TUSC3: variants seen among roughly 807,000 people sequenced by gnomAD.
The protein encoded by TUSC3 is dolichyl-diphosphooligosaccharide--protein glycosyltransferase subunit TUSC3.
TUSC3 carries 45 observed loss-of-function variants against 44.8 expected under a neutral mutation model. The observed-to-expected ratio is 1.00, with a 90% confidence interval of 0.79 to 1.29. The LOEUF is 1.29. Among genes scored for constraint, TUSC3 ranks in the 50% most tolerant of loss-of-function variants. The pLI is 0.00. For missense variants in TUSC3, 519 were observed against 437.9 expected, an observed-to-expected ratio of 1.19 and a Z score of -1.65; for synonymous variants, 212 against 152.9, an observed-to-expected ratio of 1.39 and a Z score of -2.85.
At chr8:15,554,776 T>C (rs1442515500) in intron 1 of TUSC3, among the ~76,000 whole-genome samples, 1 of 150,668 alleles carries the variant, frequency 6.6e-6, no homozygotes, top group African/African-American at 2.4e-5. Context: ...TAATTTTTTT[T>C]TTGTATTTTT....
At chr8:15,692,384 T>G (rs1264358669) in intron 6 of TUSC3, among the ~76,000 whole-genome samples, 6 of 141,214 alleles carry the variant, frequency 4.2e-5, no homozygotes, top group South Asian at 2.7e-4. Flanking sequence ...TGTTTTTTTT[T>G]TTTTTTTTTT....
the TUSC3 span, among the ~76,000 whole-genome samples, chr8:15,820,057 G>A: frequency 6.6e-6 from 1 of 152,122 alleles, no homozygotes; most frequent in East Asian, 1.9e-4. Flanking sequence ...TGAGATTTTT[G>A]TTATGAATTG....
intron 3 of TUSC3, among the ~76,000 whole-genome samples, chr8:15,654,569 T>G (rs1430420679): frequency 6.6e-6 from 1 of 152,124 alleles, no homozygotes; most frequent in African/African-American, 2.4e-5. Context: ...ATGAACTTAT[T>G]AAAAAAGGTT....
At chr8:15,837,121 C>G in the TUSC3 span, among the ~76,000 whole-genome samples, 1 of 152,052 alleles carries the variant, frequency 6.6e-6, no homozygotes. Flanking sequence ...TGTCTGCTGG[C>G]AGTGTATGCT....
chr8:15,695,765 A>C (rs1809131270), intron 6 of TUSC3, among the ~76,000 whole-genome samples: 1 of 152,158 alleles, frequency 6.6e-6, no homozygotes, highest in Non-Finnish European at 1.5e-5. Flanking sequence ...CATGTTGGAA[A>C]CTGGAGCAAA....
At chr8:15,815,874 C>A in the TUSC3 span, among the ~76,000 whole-genome samples, 1 of 152,054 alleles carries the variant, frequency 6.6e-6, no homozygotes, top group Non-Finnish European at 1.5e-5. Context: ...AGGGAAAATT[C>A]CAGAATAAAT....
intron 1 of TUSC3, among the ~76,000 whole-genome samples, chr8:15,573,692 C>T (rs1202415929): frequency 6.6e-6 from 1 of 152,014 alleles, no homozygotes; most frequent in Non-Finnish European, 1.5e-5. Flanking sequence ...TTTTGCCCTG[C>T]AGGAGATACA....
chr8:15,423,896 G>C (rs1799769114), intron 1 of TUSC3, among the ~76,000 whole-genome samples: 1 of 150,920 alleles, frequency 6.6e-6, no homozygotes, highest in Non-Finnish European at 1.5e-5. Context: ...CCTGTTGTGT[G>C]GGGCTTATTG....
intron 1 of TUSC3, among the ~76,000 whole-genome samples, chr8:15,432,071 AT>A (rs1799879566): frequency 6.6e-6 from 1 of 151,484 alleles, no homozygotes; most frequent in African/African-American, 2.4e-5. Context: ...TTGGCTTGTA[AT>A]TTTCTTACAT....
At chr8:15,536,883 G>A (rs1374704237), upstream of TUSC3, among the ~76,000 whole-genome samples, 1 of 151,486 alleles carries the variant, frequency 6.6e-6, no homozygotes, top group Non-Finnish European at 1.5e-5. Context: ...CTCATCAGAT[G>A]GATTTTATTT....
chr8:15,828,157 GC>G, the TUSC3 span, among the ~76,000 whole-genome samples: 1 of 151,958 alleles, frequency 6.6e-6, no homozygotes, highest in Non-Finnish European at 1.5e-5. Flanking sequence ...ACCACACCTG[GC>G]TAATTTTTGT....
intron 1 of TUSC3, among the ~76,000 whole-genome samples, chr8:15,613,013 A>C: frequency 6.6e-6 from 1 of 150,766 alleles, no homozygotes; most frequent in Non-Finnish European, 1.5e-5. Context: ...CCGTTTACTT[A>C]AGAGCAGAGC....
chr8:15,793,393 T>C, the TUSC3 span, among the ~76,000 whole-genome samples: 2 of 152,138 alleles, frequency 1.3e-5, no homozygotes, highest in African/African-American at 2.4e-5. Flanking sequence ...GCACACAGCA[T>C]AGCACACTTC....
the TUSC3 span, among the ~76,000 whole-genome samples, chr8:15,804,671 A>G: frequency 6.6e-6 from 1 of 152,030 alleles, no homozygotes; most frequent in South Asian, 2.1e-4. Context: ...ATTCTGTTCC[A>G]TTGGTCTATG....
At chr8:15,598,520 T>G (rs1460941991) in intron 1 of TUSC3, among the ~76,000 whole-genome samples, 3 of 151,816 alleles carry the variant, frequency 2.0e-5, no homozygotes, top group Non-Finnish European at 4.4e-5. Context: ...TGTTGTATAT[T>G]CTGTGGGTTA....
intron 1 of TUSC3, among the ~76,000 whole-genome samples, chr8:15,560,336 C>A (rs1415220343): frequency 7.2e-6 from 1 of 139,396 alleles, no homozygotes; most frequent in Non-Finnish European, 1.6e-5. Flanking sequence ...TTGGCCCCCA[C>A]TCTCTTCTGG....
chr8:15,540,676 G>T (rs1433134180), intron 1 of TUSC3, 108 bp downstream of exon 1: 11 of 1,389,238 alleles, frequency 7.9e-6, no homozygotes, highest in Non-Finnish European at 1.0e-5. Context: ...GCCGGCGTGG[G>T]CGATGCCGGC....
rs985237751 is a variant in TUSC3, at chr8:15,476,261, C to G, written n.92-7125C>G. 3.3e-5 allele frequency among the ~76,000 whole-genome samples: 5 copies of G among 152,296 alleles called. No individual in the cohort carries two copies. In the East Asian group the frequency reaches 7.7e-4, roughly 24 times the overall value. On this transcript the variant is annotated intron_variant and non_coding_transcript_variant, in intron 1 of 5. Transcript: ENST00000503191. ...GGATGAAAAAATAGCTACACGAATT[C>G]ATCATAAATACATTTAATCACCCAG...
intron 1 of TUSC3, among the ~76,000 whole-genome samples, chr8:15,564,914 A>G (rs1360896863): frequency 1.3e-5 from 2 of 152,132 alleles, no homozygotes; most frequent in African/African-American, 4.8e-5. Context: ...GAGAGAGGCC[A>G]CTGTTCTTTA....
Sources: allele counts gnomAD v4.1 joint callset (sites outside exome capture counted in the v4.1 genomes callset), GRCh38; gene constraint gnomAD v4.1.1; transcripts MANE v1.5; gene names NCBI Gene and HGNC (gene_info 2026-07-23, HGNC 2026-07-21).